Variants in RAPGEF6 observed in about 807,000 individuals in gnomAD.
RAPGEF6 encodes Rap guanine nucleotide exchange factor 6.
RAPGEF6 carries 56 observed loss-of-function variants against 171.4 expected under a neutral mutation model. That is an observed-to-expected ratio of 0.33 (90% confidence interval 0.26 to 0.41). RAPGEF6 has a LOEUF of 0.41. Among genes scored for constraint, RAPGEF6 ranks in the 10% least tolerant of loss-of-function variants. RAPGEF6 has a pLI of 1.00. For missense variants in RAPGEF6, 1,674 were observed against 1,921.4 expected, an observed-to-expected ratio of 0.87 and a Z score of 2.41; for synonymous variants, 692 against 650.1, an observed-to-expected ratio of 1.06 and a Z score of -0.98.
At chr5:131,555,173 G>A (rs1761153692) in intron 5 of RAPGEF6, among the ~76,000 whole-genome samples, 1 of 152,098 alleles carries the variant, frequency 6.6e-6, no homozygotes, top group South Asian at 2.1e-4. Flanking sequence ...TCCTAGTGAA[G>A]GAAATCCCAA....
intron 1 of RAPGEF6, among the ~76,000 whole-genome samples, chr5:131,632,075 C>CAA (rs529399752): frequency 0.022 from 1,405 of 63,470 alleles, 37 homozygotes; most frequent in African/African-American, 0.057. Context: ...GACTCTGTCT[C>CAA]AAAAAAAAAA....
intron 24 of RAPGEF6, 88 bp from the exon 25 acceptor site, chr5:131,433,746 C>A: frequency 9.9e-7 from 1 of 1,005,244 alleles, no homozygotes. Flanking sequence ...AAAAAAACCC[C>A]ACAAAAATAA....
intron 5 of RAPGEF6, among the ~76,000 whole-genome samples, chr5:131,560,096 T>A (rs1159256673): frequency 3.3e-5 from 5 of 152,150 alleles, no homozygotes; most frequent in Non-Finnish European, 7.4e-5. Context: ...ATACCAATCA[T>A]CAATAAATTT....
chr5:131,575,405 G>A (rs1327625030), intron 4 of RAPGEF6, among the ~76,000 whole-genome samples: 1 of 152,154 alleles, frequency 6.6e-6, no homozygotes, highest in Admixed American at 6.5e-5. Context: ...TCTCAAAGAA[G>A]TATCGCGTAT....
At chr5:131,539,751 A>T (rs755320433) in intron 6 of RAPGEF6, among the ~76,000 whole-genome samples, 6 of 152,152 alleles carry the variant, frequency 3.9e-5, no homozygotes, top group Non-Finnish European at 7.3e-5. Flanking sequence ...ATGTACATTA[A>T]CTCTCTAATA....
intron 22 of RAPGEF6, among the ~76,000 whole-genome samples, chr5:131,446,256 A>G (rs1752681116): frequency 6.6e-6 from 1 of 151,976 alleles, no homozygotes; most frequent in South Asian, 2.1e-4. Flanking sequence ...AAAAGAATTA[A>G]AAAGCTTTTT....
intron 6 of RAPGEF6, among the ~76,000 whole-genome samples, chr5:131,546,891 T>C (rs952870256): frequency 4.6e-5 from 7 of 152,194 alleles, no homozygotes; most frequent in Admixed American, 2.0e-4. Context: ...CAAATAGTTA[T>C]ATAACTGTGT....
intron 21 of RAPGEF6, among the ~76,000 whole-genome samples, chr5:131,449,693 A>G (rs990386061): frequency 6.6e-6 from 1 of 152,238 alleles, no homozygotes; most frequent in African/African-American, 2.4e-5. Context: ...AGTAGAATTA[A>G]GTAAGATAAT....
At chr5:131,443,162 C>T (rs1252446338) in intron 22 of RAPGEF6, among the ~76,000 whole-genome samples, 7 of 152,124 alleles carry the variant, frequency 4.6e-5, no homozygotes, top group East Asian at 1.9e-4. Context: ...AGTCTGGTCT[C>T]GAACTCCCGA....
intron 4 of RAPGEF6, among the ~76,000 whole-genome samples, chr5:131,585,305 C>CT (rs1219654701): frequency 5.6e-4 from 81 of 143,926 alleles, no homozygotes; most frequent in Non-Finnish European, 7.3e-4. Context: ...TACATACATA[C>CT]ATACATACAT....
chr5:131,473,363 C>T (rs896671072), intron 16 of RAPGEF6, among the ~76,000 whole-genome samples: 1 of 152,036 alleles, frequency 6.6e-6, no homozygotes, highest in African/African-American at 2.4e-5. Context: ...ATTATTTAAG[C>T]AAACAAAATA....
intron 15 of RAPGEF6, among the ~76,000 whole-genome samples, chr5:131,487,638 CAG>C (rs1561503992): frequency 1.3e-5 from 2 of 152,206 alleles, no homozygotes; most frequent in Non-Finnish European, 2.9e-5. Flanking sequence ...TGTGTTTTTA[CAG>C]AGTGCTGATT....
chr5:131,460,275 A>G (rs1459869288), intron 19 of RAPGEF6, among the ~76,000 whole-genome samples: 1 of 152,084 alleles, frequency 6.6e-6, no homozygotes, highest in Non-Finnish European at 1.5e-5. Context: ...TGATGACACT[A>G]TCATAACTGT....
intron 4 of RAPGEF6, among the ~76,000 whole-genome samples, chr5:131,573,473 T>TCACTCCATTTAAATGGAGA (rs1235124768): frequency 6.6e-6 from 1 of 151,638 alleles, no homozygotes; most frequent in Non-Finnish European, 1.5e-5. Context: ...TTAAATGGAG[T>TCACTCCATTTAAATGGAGA]CACTCCATTT....
chr5:131,614,281 C>CAAAAAA lies in RAPGEF6; in HGVS notation c.70-9594_70-9589dup, dbSNP rs386404987. On this transcript the variant is annotated intron_variant, in intron 1 of 27. Coordinates refer to ENST00000509018, the MANE Select transcript of RAPGEF6 (RefSeq NM_016340.6). Reference sequence around the variant, plus strand: ...TGGGTGACAGAGCAAGACTCTGTCTCAAAAAAAAAAAAAAAAAAAAAGAAA... The same window carrying CAAAAAA: ...TGGGTGACAGAGCAAGACTCTGTCTCAAAAAAAAAAAAAAAAAAAAAAAAAAAGAAA... Among the ~76,000 whole-genome samples, 489 of 81,334 alleles carry CAAAAAA rather than the reference C, an allele frequency of 6.0e-3. 22 individuals carry two copies. The highest frequency in any genetic ancestry group is 0.023 in the African/African-American group (421 of 17,992). The allele number at this position is 81,334 out of a possible 152,430, so 53.4% of individuals were successfully genotyped here.
intron 5 of RAPGEF6, among the ~76,000 whole-genome samples, chr5:131,554,546 A>T (rs1761113484): frequency 1.3e-5 from 2 of 152,094 alleles, no homozygotes; most frequent in South Asian, 4.1e-4. Flanking sequence ...TTGAGACATA[A>T]TCTCACCCTG....
At chr5:131,532,730 T>C (rs1413249809) in intron 6 of RAPGEF6, among the ~76,000 whole-genome samples, 3 of 152,180 alleles carry the variant, frequency 2.0e-5, no homozygotes, top group African/African-American at 4.8e-5. Context: ...CGTAACAGGT[T>C]TGTCCTGTAG....
chr5:131,446,832 G>C, intron 21 of RAPGEF6, 129 bp from the exon 22 acceptor site: 1 of 855,712 alleles, frequency 1.2e-6, no homozygotes, highest in Non-Finnish European at 1.8e-6. Context: ...AAGATGAAGA[G>C]CATTAATGCA....
intron 15 of RAPGEF6, among the ~76,000 whole-genome samples, chr5:131,482,550 G>C (rs1321270197): frequency 6.6e-6 from 1 of 152,086 alleles, no homozygotes; most frequent in Non-Finnish European, 1.5e-5. Context: ...TGATCCTTCT[G>C]CCTCGCCCTC....
Sources: gnomAD v4.1 joint callset for allele counts (sites outside exome capture counted in the v4.1 genomes callset) on GRCh38, gnomAD v4.1.1 for gene constraint, MANE v1.5 for transcripts, NCBI Gene and HGNC (gene_info 2026-07-23, HGNC 2026-07-21) for gene names.